The following FIGNL2 variants were observed in gnomAD, a reference collection of about 807,000 sequenced individuals.
The protein encoded by FIGNL2 is fidgetin like 2.
For synonymous variants in FIGNL2, 565 were observed against 484.0 expected (o/e 1.17, Z -2.20); for missense variants, 1,060 against 950.2 (o/e 1.12, Z -1.52).
intron 1 of FIGNL2, chr12:51,844,897 AAT>A (rs1939719248): frequency 3.0e-6 from 3 of 984,982 alleles, no homozygotes; most frequent in South Asian, 4.7e-5. Flanking sequence ...TACTGCAAGT[AAT>A]ATGGCCATGG....
intron 1 of FIGNL2, among the ~76,000 whole-genome samples, chr12:51,826,806 A>C (rs1029413193): frequency 6.6e-6 from 1 of 152,194 alleles, no homozygotes; most frequent in Non-Finnish European, 1.5e-5. Context: ...AGAGGGTAGA[A>C]GTTTGAGAAG....
chr12:51,835,802 CTTCTT>C (rs1279396755), intron 1 of FIGNL2, among the ~76,000 whole-genome samples: 1 of 130,620 alleles, frequency 7.7e-6, no homozygotes, highest in Non-Finnish European at 1.7e-5. Flanking sequence ...CGGATCTAGA[CTTCTT>C]TTTTTTTTTT....
rs1939164215 is a variant in FIGNL2 at position 51,820,964 on chromosome 12, G to A, written c.1450C>T (p.Pro484Ser). The A allele has an allele frequency of 5.7e-6, 7 of 1,226,968 alleles. No homozygotes were observed. The highest frequency in any genetic ancestry group is 7.1e-6 in the Non-Finnish European group (7 of 986,518). 76.0% of individuals were successfully genotyped at this position (1,226,968 alleles called of 1,614,324 possible). A position where few individuals can be genotyped will look rare whatever the true frequency, so the allele number is the denominator to read the frequency against. Residue 484 changes from proline (P) to serine (S), a missense_variant, in exon 2 of 2, where the codon CCA (proline) becomes TCA (serine). Pro to Ser is a moderately conservative substitution (Grantham distance 74). Transcript: ENST00000618634. ...TCGCTGATGAGGAGTACGGAGGGTG[G>A]GCGGCAGCGCGCGGCCGCGAAGGCG... ...QAAFAAARCR[P>S]PSVLLISELE...
At chr12:51,845,162 T>C (rs562500209) in intron 1 of FIGNL2, among the ~76,000 whole-genome samples, 4 of 152,198 alleles carry the variant, frequency 2.6e-5, no homozygotes, top group African/African-American at 9.6e-5. Flanking sequence ...ATACCCAGAA[T>C]GGGTAATCTT....
At chr12:51,844,424 G>A (rs867757683) in intron 1 of FIGNL2, among the ~76,000 whole-genome samples, 4 of 152,256 alleles carry the variant, frequency 2.6e-5, no homozygotes, top group Middle Eastern at 3.4e-3. Context: ...CAGGGGGTTC[G>A]CACTGCAGTC....
chr12:51,841,402 CTG>C, intron 1 of FIGNL2: 1 of 152,250 alleles, frequency 6.6e-6, no homozygotes, highest in Non-Finnish European at 1.5e-5. Flanking sequence ...GGTGAGGAAA[CTG>C]AGGCTCGATT....
At chr12:51,845,553 G>C in intron 1 of FIGNL2, 1 of 985,440 alleles carries the variant, frequency 1.0e-6, no homozygotes, top group Non-Finnish European at 1.2e-6. Flanking sequence ...CCCTGCTGCA[G>C]CCCTGGAGCT....
chr12:51,821,215 A>C lies in FIGNL2; in HGVS notation c.1199T>G (p.Leu400Arg). ...CAGCTCCTCCTCCAGCGCCGCCTTG[A>C]GCGCGCCCTGGCCCGCCACATCCGC... Reference protein sequence around the residue: ...QWADVAGQGALKAALEEELVW... With the variant: ...QWADVAGQGARKAALEEELVW... The change falls in exon 2 of 2, where the codon CTC becomes CGC. Residue 400 changes from leucine (L) to arginine (R), a missense_variant. Transcript: ENST00000618634. 1 of 1,520,064 alleles carries C rather than the reference A, an allele frequency of 6.6e-7. No homozygotes were observed. Among genetic ancestry groups the C allele is most frequent in the Non-Finnish European group, 8.8e-7 (1 of 1,140,544 alleles). The allele number at this position is 1,520,064 out of a possible 1,614,324, so 94.2% of individuals were successfully genotyped here.
intron 1 of FIGNL2, among the ~76,000 whole-genome samples, chr12:51,833,850 A>G (rs915875234): frequency 2.6e-5 from 4 of 152,212 alleles, no homozygotes; most frequent in Non-Finnish European, 5.9e-5. Context: ...AAAGTTCATG[A>G]GAGCAGGGAC....
chr12:51,843,913 A>T (rs1453829162), intron 1 of FIGNL2, among the ~76,000 whole-genome samples: 5 of 146,230 alleles, frequency 3.4e-5, no homozygotes, highest in Non-Finnish European at 7.6e-5. Context: ...CGCCTCTACA[A>T]TTTTTTTTTT....
chr12:51,836,596 G>A (rs1265805808), intron 1 of FIGNL2, among the ~76,000 whole-genome samples: 1 of 152,124 alleles, frequency 6.6e-6, no homozygotes, highest in African/African-American at 2.4e-5. Flanking sequence ...GGGAGATGGA[G>A]GAATCTGTTG....
intron 1 of FIGNL2, among the ~76,000 whole-genome samples, chr12:51,843,448 T>C (rs893660816): frequency 6.6e-6 from 1 of 150,854 alleles, no homozygotes; most frequent in African/African-American, 2.4e-5. Flanking sequence ...CTCAGGAGGC[T>C]GAGGCATGAG....
intron 1 of FIGNL2, chr12:51,845,609 G>C: frequency 1.0e-6 from 1 of 985,414 alleles, no homozygotes; most frequent in Non-Finnish European, 1.2e-6. Context: ...CATTAAATCG[G>C]GTAAAGGAGT....
At chr12:51,830,692 C>T (rs905322247) in intron 1 of FIGNL2, among the ~76,000 whole-genome samples, 2 of 151,932 alleles carry the variant, frequency 1.3e-5, no homozygotes, top group East Asian at 1.9e-4. Context: ...GGGGTTTCAC[C>T]ATGTTGGCCA....
chr12:51,834,865 A>G (rs1592192816), intron 1 of FIGNL2, among the ~76,000 whole-genome samples: 1 of 152,160 alleles, frequency 6.6e-6, no homozygotes, highest in Non-Finnish European at 1.5e-5. Context: ...ATAGTTATCC[A>G]TCGTTTTCGT....
chr12:51,845,488 A>C, intron 1 of FIGNL2: 1 of 974,246 alleles, frequency 1.0e-6, no homozygotes, highest in African/African-American at 1.8e-5. Flanking sequence ...CTGTCCCCTG[A>C]AGGGGGTCTC....
intron 1 of FIGNL2, among the ~76,000 whole-genome samples, chr12:51,835,762 G>A (rs1177952387): frequency 1.3e-5 from 2 of 151,016 alleles, no homozygotes; most frequent in Admixed American, 6.6e-5. Flanking sequence ...ATGGAGTCTC[G>A]CTTCTTAAGG....
At chr12:51,846,294 G>A (rs1939748119) in intron 1 of FIGNL2, among the ~76,000 whole-genome samples, 1 of 152,230 alleles carries the variant, frequency 6.6e-6, no homozygotes, top group Admixed American at 6.5e-5. Flanking sequence ...CGGGGCTGGG[G>A]AGGTGATGCG....
chr12:51,830,490 GTTGT>G (rs1939431302), intron 1 of FIGNL2, among the ~76,000 whole-genome samples: 2 of 129,036 alleles, frequency 1.5e-5, no homozygotes. Context: ...AAAATATTGA[GTTGT>G]TTTTTTTTTT....
Sources: gnomAD v4.1 joint callset for allele counts (sites outside exome capture counted in the v4.1 genomes callset) on GRCh38, gnomAD v4.1.1 for gene constraint, MANE v1.5 for transcripts, NCBI Gene and HGNC (gene_info 2026-07-23, HGNC 2026-07-21) for gene names.